Variants in MYO16 observed in about 807,000 individuals in gnomAD.
The protein encoded by MYO16 is myosin XVI.
MYO16 carries 94 observed loss-of-function variants against 205.3 expected under a neutral mutation model. That is an observed-to-expected ratio of 0.46 (90% CI 0.39 to 0.54). MYO16 has a LOEUF of 0.54. MYO16 is among the 20% of genes least tolerant of loss of function. The probability of loss-of-function intolerance (pLI) is 0.00; values close to 1 mark genes in which losing one functional copy is unlikely to be tolerated. For synonymous variants in MYO16, 988 were observed against 954.0 expected (o/e 1.04, Z -0.66); for missense variants, 2,315 against 2,387.5 (o/e 0.97, Z 0.63).
rs551810787 is a variant in MYO16, at chr13:108,940,544, T to C, written c.1926-17144T>C. On this transcript the variant is annotated intron_variant, in intron 16 of 34. Transcript: ENST00000457511. ...TATGATCTTGGGAATTCTTCAAACATTATTAGCACAATCCCATGTCTAAGG... is the reference window on the plus strand; with the variant it reads ...TATGATCTTGGGAATTCTTCAAACACTATTAGCACAATCCCATGTCTAAGG... 2.0e-5 allele frequency among the ~76,000 whole-genome samples: 3 copies of C among 152,330 alleles called. No individual in the cohort carries two copies. The East Asian group carries it at 5.8e-4, about 29-fold the overall frequency.
intron 25 of MYO16, chr13:109,054,272 G>A (rs1351235314): frequency 2.8e-6 from 1 of 358,100 alleles, no homozygotes; most frequent in East Asian, 9.0e-5. Flanking sequence ...TTGCTTATTT[G>A]AAAAAAAATA....
chr13:108,789,087 C>T (rs1933220), intron 5 of MYO16, among the ~76,000 whole-genome samples: 75,146 of 151,948 alleles, frequency 0.49, 18,841 homozygotes, highest in South Asian at 0.52. Flanking sequence ...TTCACTCCTG[C>T]ATACGCAGTT....
the MYO16 span, among the ~76,000 whole-genome samples, chr13:108,588,924 C>A: frequency 6.6e-6 from 1 of 151,664 alleles, no homozygotes; most frequent in Non-Finnish European, 1.5e-5. Flanking sequence ...ATAGTTTAGC[C>A]TGTTTTTACT....
At chr13:109,199,831 T>G (rs1451669572) in intron 34 of MYO16, among the ~76,000 whole-genome samples, 1 of 152,236 alleles carries the variant, frequency 6.6e-6, no homozygotes, top group African/African-American at 2.4e-5. Flanking sequence ...AAGGAAGCCA[T>G]GAGTGTTTTT....
chr13:108,836,657 A>C (rs1417741944), intron 9 of MYO16, among the ~76,000 whole-genome samples: 1 of 152,154 alleles, frequency 6.6e-6, no homozygotes, highest in Non-Finnish European at 1.5e-5. Context: ...ATGGGAGCCC[A>C]CCTCTTGCAT....
At chr13:108,640,721 G>T (rs1207524936) in intron 1 of MYO16, among the ~76,000 whole-genome samples, 1 of 152,136 alleles carries the variant, frequency 6.6e-6, no homozygotes, top group Non-Finnish European at 1.5e-5. Flanking sequence ...CATGTGTTGG[G>T]CCTGGGTTTT....
intron 28 of MYO16, chr13:109,101,151 G>A (rs948798107): frequency 5.4e-6 from 2 of 370,852 alleles, no homozygotes; most frequent in South Asian, 3.7e-5. Flanking sequence ...CTGTTTGCCC[G>A]TGTGTCAGAT....
chr13:108,746,086 G>A (rs988481811), intron 4 of MYO16, among the ~76,000 whole-genome samples: 6 of 151,972 alleles, frequency 3.9e-5, no homozygotes, highest in African/African-American at 7.2e-5. Context: ...CCAGCTACTC[G>A]GGAGGCTGAG....
chr13:109,013,472 T>C (rs1345947883), intron 22 of MYO16, among the ~76,000 whole-genome samples: 1 of 152,166 alleles, frequency 6.6e-6, no homozygotes, highest in East Asian at 1.9e-4. Flanking sequence ...ATCCTTTGGG[T>C]ATATACCCAG....
chr13:109,138,815 T>A lies in MYO16; in HGVS notation c.4052-1449T>A, dbSNP rs191528099. On this transcript the variant is annotated intron_variant, in intron 31 of 34. Transcript: ENST00000457511. ...ATCATTTATTTAATTTAATTTAATT[T>A]ATTTATTTATTTATTTAATTTGAGA... Among the ~76,000 whole-genome samples the A allele has an allele frequency of 1.1e-3, 170 of 151,970 alleles. 2 individuals are homozygous for A. The South Asian group carries it at 0.016, about 15-fold the overall frequency.
intron 4 of MYO16, among the ~76,000 whole-genome samples, chr13:108,741,162 C>G (rs958400943): frequency 6.6e-6 from 1 of 152,138 alleles, no homozygotes; most frequent in Non-Finnish European, 1.5e-5. Context: ...ATCCGACACG[C>G]CCCAGTGAGA....
intron 16 of MYO16, among the ~76,000 whole-genome samples, chr13:108,915,918 C>T (rs560775144): frequency 6.6e-6 from 1 of 152,096 alleles, no homozygotes; most frequent in Non-Finnish European, 1.5e-5. Context: ...TGCTGGGAGC[C>T]GTACCTGTCA....
chr13:108,897,975 A>C (rs759831406), intron 14 of MYO16, 41 bp from the exon 15 acceptor site: 1 of 1,451,930 alleles, frequency 6.9e-7, no homozygotes, highest in Non-Finnish European at 9.7e-7. Flanking sequence ...TTTATTTCTT[A>C]AAATATGAGC....
the MYO16 span, among the ~76,000 whole-genome samples, chr13:108,568,595 GA>G: frequency 6.6e-6 from 1 of 152,044 alleles, no homozygotes; most frequent in Non-Finnish European, 1.5e-5. Flanking sequence ...ACCCTTATAA[GA>G]AATGCTTTGA....
intron 27 of MYO16, among the ~76,000 whole-genome samples, chr13:109,078,168 G>A (rs891994168): frequency 4.0e-5 from 6 of 151,436 alleles, no homozygotes; most frequent in Admixed American, 1.3e-4. Flanking sequence ...AGTGGCTCAC[G>A]CCTGTAATCC....
chr13:109,138,260 C>T (rs1876872021), intron 31 of MYO16, among the ~76,000 whole-genome samples: 1 of 152,162 alleles, frequency 6.6e-6, no homozygotes, highest in African/African-American at 2.4e-5. Context: ...AACTCAAGAA[C>T]TCAACAAAGG....
the MYO16 span, among the ~76,000 whole-genome samples, chr13:108,582,941 T>C: frequency 2.0e-5 from 3 of 152,184 alleles, no homozygotes; most frequent in Non-Finnish European, 4.4e-5. Flanking sequence ...GGAAAATCAA[T>C]TTAAAGTCAC....
At chr13:108,821,078 C>G (rs559005488) in intron 8 of MYO16, among the ~76,000 whole-genome samples, 12 of 152,032 alleles carry the variant, frequency 7.9e-5, no homozygotes, top group African/African-American at 2.9e-4. Context: ...TTCTGAATAA[C>G]AAAGAGAAAA....
chr13:108,678,287 G>A (rs557012940), intron 2 of MYO16, among the ~76,000 whole-genome samples: 2 of 152,258 alleles, frequency 1.3e-5, no homozygotes, highest in Non-Finnish European at 2.9e-5. Context: ...TGCCCCACTG[G>A]AGCCAGTGCC....
Sources: gnomAD v4.1 joint callset for allele counts (sites outside exome capture counted in the v4.1 genomes callset) on GRCh38, gnomAD v4.1.1 for gene constraint, MANE v1.5 for transcripts, NCBI Gene and HGNC (gene_info 2026-07-23, HGNC 2026-07-21) for gene names.